Variants in RBFOX1 observed in about 807,000 individuals in gnomAD.
RBFOX1 encodes the protein RNA binding fox-1 homolog 1, also known as RNA binding protein fox-1 homolog 1.
RBFOX1 carries 8 observed loss-of-function variants against 57.7 expected under a neutral mutation model. The observed-to-expected ratio is 0.14, with a 90% CI of 0.08 to 0.25. The LOEUF (loss-of-function observed/expected upper bound fraction) is 0.25, where lower values mean the gene tolerates loss of function less well. Among genes scored for constraint, RBFOX1 ranks in the 10% least tolerant of loss-of-function variants. The pLI is 1.00. For synonymous variants in RBFOX1, 326 were observed against 222.4 expected, an observed-to-expected ratio of 1.47 and a Z score of -4.15; for missense variants, 611 against 548.5, an observed-to-expected ratio of 1.11 and a Z score of -1.14.
At chr16:6,606,428 G>A (rs750522257) in intron 2 of RBFOX1, among the ~76,000 whole-genome samples, 3 of 152,128 alleles carry the variant, frequency 2.0e-5, no homozygotes, top group Admixed American at 6.5e-5. Context: ...ACAGGTAAAC[G>A]TGTGCCATAG....
intron 2 of RBFOX1, among the ~76,000 whole-genome samples, chr16:6,513,004 C>G (rs144016293): frequency 3.3e-5 from 5 of 152,290 alleles, no homozygotes; most frequent in East Asian, 3.9e-4. Context: ...ATTCCTACTT[C>G]TCATCGATGT....
intron 3 of RBFOX1, among the ~76,000 whole-genome samples, chr16:5,851,400 C>T (rs1396686040): frequency 6.6e-6 from 1 of 152,140 alleles, no homozygotes; most frequent in Admixed American, 6.5e-5. Flanking sequence ...CCTAGACCGC[C>T]TCTCTCTGCA....
At chr16:6,216,632 A>G (rs2097337614) in intron 1 of RBFOX1, among the ~76,000 whole-genome samples, 1 of 152,192 alleles carries the variant, frequency 6.6e-6, no homozygotes, top group Non-Finnish European at 1.5e-5. Flanking sequence ...GAAATGCTGT[A>G]ACTTTGATTT....
chr16:6,890,306 G>C (rs1189447278), intron 3 of RBFOX1, among the ~76,000 whole-genome samples: 1 of 152,132 alleles, frequency 6.6e-6, no homozygotes, highest in Admixed American at 6.5e-5. Flanking sequence ...ATTGCTTGAG[G>C]TCAGGAGTTC....
chr16:6,839,059 C>G (rs1463149038), intron 3 of RBFOX1, among the ~76,000 whole-genome samples: 3 of 151,770 alleles, frequency 2.0e-5, no homozygotes, highest in African/African-American at 7.3e-5. Flanking sequence ...ATCTTGGCTC[C>G]CTGTAACCTC....
chr16:5,598,855 A>C, intron 2 of RBFOX1: 2 of 1,410,882 alleles, frequency 1.4e-6, no homozygotes, highest in Non-Finnish European at 9.4e-7. Flanking sequence ...TTTTTTCCTC[A>C]ACCCGGCTTC....
At chr16:6,650,989 G>A (rs970594789) in intron 2 of RBFOX1, among the ~76,000 whole-genome samples, 32 of 152,106 alleles carry the variant, frequency 2.1e-4, no homozygotes, top group African/African-American at 7.0e-4. Context: ...TGCATCCTCC[G>A]CCTTCCCGGT....
intron 2 of RBFOX1, among the ~76,000 whole-genome samples, chr16:6,474,645 C>T (rs1227377897): frequency 6.6e-6 from 1 of 151,910 alleles, no homozygotes; most frequent in Non-Finnish European, 1.5e-5. Flanking sequence ...GGTGGATAGG[C>T]GAGGGAACCC....
intron 2 of RBFOX1, among the ~76,000 whole-genome samples, chr16:6,605,052 G>A (rs1034467047): frequency 1.3e-5 from 2 of 151,892 alleles, no homozygotes; most frequent in African/African-American, 4.8e-5. Flanking sequence ...ATAAACACAT[G>A]CACAACGTGT....
intron 4 of RBFOX1, among the ~76,000 whole-genome samples, chr16:5,969,192 A>G (rs1250705281): frequency 2.6e-5 from 4 of 151,364 alleles, no homozygotes; most frequent in East Asian, 1.9e-4. Flanking sequence ...ATTTTTGACA[A>G]TGCCTCTCTG....
At chr16:6,885,322 A>C (rs1421460419) in intron 3 of RBFOX1, among the ~76,000 whole-genome samples, 1 of 152,162 alleles carries the variant, frequency 6.6e-6, no homozygotes, top group African/African-American at 2.4e-5. Context: ...CTGAGTCAGA[A>C]GCTCTAGGGT....
chr16:6,218,677 C>T (rs528371943), intron 1 of RBFOX1, among the ~76,000 whole-genome samples: 3 of 152,216 alleles, frequency 2.0e-5, no homozygotes, highest in South Asian at 4.1e-4. Flanking sequence ...GTTCACAACA[C>T]GCAGGATATC....
intron 3 of RBFOX1, among the ~76,000 whole-genome samples, chr16:5,692,022 A>T (rs201105549): frequency 1.3e-5 from 2 of 151,644 alleles, no homozygotes; most frequent in Non-Finnish European, 1.5e-5. Flanking sequence ...CTCTTTTTTT[A>T]TTTTTTTTTG....
chr16:7,101,970 T>C (rs887898596), intron 4 of RBFOX1, among the ~76,000 whole-genome samples: 2 of 152,200 alleles, frequency 1.3e-5, no homozygotes, highest in Non-Finnish European at 2.9e-5. Flanking sequence ...ACAAGCCTAG[T>C]GCTGTATCCA....
chr16:6,154,528 A>T (rs1268590835), intron 1 of RBFOX1, among the ~76,000 whole-genome samples: 1 of 152,126 alleles, frequency 6.6e-6, no homozygotes, highest in Non-Finnish European at 1.5e-5. Context: ...AGGTAGGAAT[A>T]AGGATAGTGG....
chr16:6,712,332 T>C (rs1292943621), intron 3 of RBFOX1, among the ~76,000 whole-genome samples: 1 of 152,152 alleles, frequency 6.6e-6, no homozygotes, highest in East Asian at 1.9e-4. Context: ...CATTTGCGCA[T>C]GTGTGCCCGA....
At chr16:6,646,615 C>T (rs2098537098) in intron 2 of RBFOX1, among the ~76,000 whole-genome samples, 1 of 152,034 alleles carries the variant, frequency 6.6e-6, no homozygotes, top group Admixed American at 6.6e-5. Flanking sequence ...AACATATTTT[C>T]ACTCAAGGAG....
chr16:5,287,168 GGTGGCTCAT>G (rs1051925565), intron 1 of RBFOX1, among the ~76,000 whole-genome samples: 1 of 152,146 alleles, frequency 6.6e-6, no homozygotes, highest in Admixed American at 6.5e-5. Flanking sequence ...AGCTAAGCAT[GGTGGCTCAT>G]GTCTGTAGTC....
At position 5,891,095 on chromosome 16, in the gene RBFOX1, G is replaced by T. The variant is rs574854414; in HGVS notation, c.351+23760G>T. 3.3e-5 allele frequency among the ~76,000 whole-genome samples: 5 copies of T among 152,314 alleles called. No homozygotes were observed. In the East Asian group the frequency reaches 9.6e-4, roughly 29 times the overall value. On this transcript the variant is annotated intron_variant, in intron 4 of 19. Transcript: ENST00000641259. ...GACTTGATACTTGTCAACCGTAACT[G>T]TTAGTAGGCAGATAGTAGGCCCAGC...
Sources: allele counts gnomAD v4.1 joint callset (sites outside exome capture counted in the v4.1 genomes callset), GRCh38; gene constraint gnomAD v4.1.1; transcripts MANE v1.5; gene names NCBI Gene and HGNC (gene_info 2026-07-23, HGNC 2026-07-21).